KIF17: variants seen among roughly 807,000 people sequenced by gnomAD.
KIF17 encodes the protein kinesin-like protein KIF17.
A neutral mutation model predicts 96.8 loss-of-function variants in KIF17; 80 were observed. The ratio of observed to expected loss-of-function variants is 0.83; its 90% CI spans 0.69 to 1.00. The LOEUF (loss-of-function observed/expected upper bound fraction) is 1.00, where lower values mean the gene tolerates loss of function less well. Among genes scored for constraint, KIF17 ranks in the 50% least tolerant of loss-of-function variants. The probability of loss-of-function intolerance (pLI) is 0.00; values close to 1 mark genes in which losing one functional copy is unlikely to be tolerated. For synonymous variants in KIF17, 567 were observed against 587.5 expected, an observed-to-expected ratio of 0.97 and a Z score of 0.51; for missense variants, 1,280 against 1,372.9, an observed-to-expected ratio of 0.93 and a Z score of 1.07.
At position 20,684,969 on chromosome 1, in the gene KIF17, G is replaced by C. The variant is rs937549224; in HGVS notation, c.2071C>G (p.Pro691Ala). 2 of 1,605,916 alleles carry C rather than the reference G, an allele frequency of 1.2e-6. No homozygotes were observed. Among genetic ancestry groups the C allele is most frequent in the East Asian group, 4.5e-5 (2 of 44,478 alleles). ...GCCTGAGCCTCCAACCACACGCCAG[G>C]CTCTGCTGTCCGCACCACCTCTAAG... ...VALEVVRTAE[P>A]GVWLEAQAPV... The change falls in exon 10 of 15, where the codon CCT becomes GCT. Residue 691 changes from proline (P) to alanine (A), a missense_variant. Pro to Ala is a conservative substitution (Grantham distance 27). Coordinates refer to ENST00000400463, the MANE Select transcript of KIF17 (RefSeq NM_001122819.3).
intron 6 of KIF17, among the ~76,000 whole-genome samples, chr1:20,698,135 G>T (rs1401411737): frequency 6.6e-6 from 1 of 152,142 alleles, no homozygotes; most frequent in Non-Finnish European, 1.5e-5. Context: ...TTCTCACCAC[G>T]CAGGCCCTAA....
chr1:20,687,916 G>A lies in KIF17; in HGVS notation c.1410C>T (p.Tyr470=), dbSNP rs369340351. The part of the protein sequence containing the change: ...TEAVLQVGVL[Y]KAEVMSRAEF... Reference sequence around the variant, plus strand: ...CAGCCCTGGACATGACCTCAGCCTTGTAGAGGACTCCCACCTGCAGGACAG... The same window carrying A: ...CAGCCCTGGACATGACCTCAGCCTTATAGAGGACTCCCACCTGCAGGACAG... The change falls in exon 8 of 15, where the codon TAC becomes TAT. Residue 470 remains tyrosine (Y), a synonymous_variant. Transcript: ENST00000400463. This position sits in a 1 kb window ranked among gnomAD's most constrained non-coding sequence, Gnocchi z 4.4. 3.1e-6 allele frequency: 5 copies of A among 1,613,644 alleles called. No individual in the cohort carries two copies. The African/African-American group carries it at 6.7e-5, about 22-fold the overall frequency.
At chr1:20,695,385 G>A (rs1366886470) in intron 6 of KIF17, among the ~76,000 whole-genome samples, 2 of 152,028 alleles carry the variant, frequency 1.3e-5, no homozygotes, top group African/African-American at 4.8e-5. Context: ...ACGGGGTTTC[G>A]CCATGTTGGC....
chr1:20,676,256 G>C (rs901676903), intron 11 of KIF17, among the ~76,000 whole-genome samples: 16 of 152,258 alleles, frequency 1.1e-4, no homozygotes, highest in African/African-American at 3.9e-4. Flanking sequence ...TTTTTTAACA[G>C]TTGGTCAATT....
chr1:20,704,732 C>T lies in KIF17; in HGVS notation c.838G>A (p.Gly280Arg), dbSNP rs780409575. The change falls in exon 5 of 15, where the codon GGG (glycine) becomes AGG (arginine). Residue 280 changes from glycine (G) to arginine (R), a missense_variant. Coordinates refer to ENST00000400463, the MANE Select transcript of KIF17 (RefSeq NM_001122819.3). The surrounding 1 kb of genome is among the most constrained non-coding windows in gnomAD (Gnocchi z 6.8). ...CGGTAGGGGACGTGCTTACAGCGCC[C>T]GTCCACCAGCGCCGAGATGACATTG... Reference protein sequence around the residue: ...LGNVISALVDGRCKHVPYRDS... With the variant: ...LGNVISALVDRRCKHVPYRDS... 1.4e-5 allele frequency: 23 copies of T among 1,612,812 alleles called. No homozygotes were observed. The highest frequency in any genetic ancestry group is 1.1e-4 in the East Asian group (5 of 44,880).
chr1:20,677,623 G>T (rs683624), intron 11 of KIF17, among the ~76,000 whole-genome samples: 1 of 152,190 alleles, frequency 6.6e-6, no homozygotes, highest in Non-Finnish European at 1.5e-5. Context: ...AGAGGCCGAG[G>T]TGGGTGGATC....
At chr1:20,694,255 A>G (rs1291855331) in intron 6 of KIF17, among the ~76,000 whole-genome samples, 1 of 151,786 alleles carries the variant, frequency 6.6e-6, no homozygotes, top group Non-Finnish European at 1.5e-5. Flanking sequence ...ACACCACCAC[A>G]CCCAGCTAAT....
rs375213890 is a variant in KIF17, at chr1:20,682,932, C to T, written c.2232-48G>A. 172 of 1,525,846 alleles carry T rather than the reference C, an allele frequency of 1.1e-4. 1 individual carries two copies. The highest frequency in any genetic ancestry group is 1.1e-4 in the East Asian group (5 of 44,308). The allele number at this position is 1,525,846 out of a possible 1,614,324, so 94.5% of individuals were successfully genotyped here. Reference sequence around the variant, plus strand: ...AAACAAGACAATATCTGCCCATCACCGAGCACGTGCCATCCAGCAGGCTCC... The same window carrying T: ...AAACAAGACAATATCTGCCCATCACTGAGCACGTGCCATCCAGCAGGCTCC... On this transcript the variant is annotated intron_variant, in intron 10 of 14. Coordinates refer to ENST00000400463, the MANE Select transcript of KIF17 (RefSeq NM_001122819.3).
In KIF17 at chr1:20,664,711, G is replaced by A. The variant is rs368653467; in HGVS notation, c.2960C>T (p.Ala987Val). Residue 987 changes from alanine to valine, a missense_variant, in exon 15 of 15, where the codon GCC becomes GTC. By Grantham distance (64) the Ala-to-Val change is moderately conservative (BLOSUM62 0). Coordinates refer to ENST00000400463, the MANE Select transcript of KIF17 (RefSeq NM_001122819.3). Reference sequence around the variant, plus strand: ...TTCAGGGGCCTGGGTGGGTGGGATGGCAGAGTTGTTGCTGAGTGGGCAGCT... The same window carrying A: ...TTCAGGGGCCTGGGTGGGTGGGATGACAGAGTTGTTGCTGAGTGGGCAGCT... ...GLSCPLSNNSAIPPTQAPEMP... is the reference protein window; with the variant it reads ...GLSCPLSNNSVIPPTQAPEMP... The A allele has an allele frequency of 2.6e-5, 42 of 1,612,472 alleles. No homozygotes were observed. The highest frequency in any genetic ancestry group is 1.6e-4 in the African/African-American group (12 of 75,008).
intron 6 of KIF17, among the ~76,000 whole-genome samples, chr1:20,697,027 A>C (rs2054154216): frequency 6.6e-6 from 1 of 152,144 alleles, no homozygotes; most frequent in Admixed American, 6.5e-5. Context: ...CTCCCCAAAC[A>C]GCACAGGCCC....
chr1:20,662,602 C>A (rs1220475990), downstream of KIF17, among the ~76,000 whole-genome samples: 1 of 152,222 alleles, frequency 6.6e-6, no homozygotes, highest in African/African-American at 2.4e-5. Flanking sequence ...ACCACATCCG[C>A]CCGCCTCTAA....
rs2053957614 is a variant in KIF17, at chr1:20,687,441, T to C, written c.1885A>G (p.Thr629Ala). Residue 629 changes from threonine to alanine, a missense_variant, in exon 8 of 15, where the codon ACC becomes GCC. Physicochemically the swap from Thr to Ala is moderately conservative, Grantham distance 58 (BLOSUM62 0). Transcript: ENST00000400463. The surrounding 1 kb of genome is among the most constrained non-coding windows in gnomAD (Gnocchi z 4.4). ...VEAKLARLSS[T>A]VARTDAPQAD... The stretch of plus-strand genomic sequence containing the variant: ...TGGGGTGCATCTGTCCTGGCCACGG[T>C]GGAGGAGAGTCTGGCCAGCTTGGCT... 1 of 1,613,690 alleles carries C rather than the reference T, an allele frequency of 6.2e-7. No homozygotes were observed. Among genetic ancestry groups the C allele is most frequent in the South Asian group, 1.1e-5 (1 of 91,060 alleles).
intron 14 of KIF17, 123 bp downstream of exon 14, chr1:20,666,091 A>C (rs1165422244): frequency 1.2e-6 from 1 of 804,582 alleles, no homozygotes; most frequent in African/African-American, 1.7e-5. Context: ...TTTGTAGCTA[A>C]GGAAACTGAG....
Position 20,687,666 on chromosome 1 carries a change from G to A in KIF17, c.1660C>T (p.Pro554Ser), listed in dbSNP as rs1039642164. The A allele has an allele frequency of 1.9e-6, 3 of 1,614,070 alleles. No individual in the cohort carries two copies. Among genetic ancestry groups the A allele is most frequent in the Non-Finnish European group, 2.5e-6 (3 of 1,180,046 alleles). The stretch of plus-strand genomic sequence containing the variant: ...ACGTTGGAGGGCTCCTCAGGCCCAG[G>A]GAAAGCCTCGGACACAGAGGTTTCT... ...LEETSVSEAFPGPEEPSNVEV... is the reference protein window; with the variant it reads ...LEETSVSEAFSGPEEPSNVEV... Residue 554 changes from proline (P) to serine (S), a missense_variant, in exon 8 of 15, where the codon CCT becomes TCT. Physicochemically the swap from Pro to Ser is moderately conservative, Grantham distance 74 (BLOSUM62 -1). Transcript: ENST00000400463. The surrounding 1 kb of genome is among the most constrained non-coding windows in gnomAD (Gnocchi z 4.4).
In KIF17 at chr1:20,672,074, C is replaced by T. The variant is rs765964611; in HGVS notation, c.2586G>A (p.Glu862=). The change falls in exon 12 of 15, where the codon GAG becomes GAA. Residue 862 remains glutamate, a synonymous_variant. Coordinates refer to ENST00000400463, the MANE Select transcript of KIF17 (RefSeq NM_001122819.3). This position sits in a 1 kb window ranked among gnomAD's most constrained non-coding sequence, Gnocchi z 4.3. ...RDSMLLQQLL[E]QVQPLIRRDC... is the part of the protein sequence containing the mutation. Reference sequence around the variant, plus strand: ...CCCTGCGAATCAGGGGCTGCACCTGCTCCAGGAGCTGCTGCAAGAGCATGG... The same window carrying T: ...CCCTGCGAATCAGGGGCTGCACCTGTTCCAGGAGCTGCTGCAAGAGCATGG... The T allele has an allele frequency of 1.2e-6, 2 of 1,614,222 alleles. No homozygotes were observed. Among genetic ancestry groups the T allele is most frequent in the Non-Finnish European group, 8.5e-7 (1 of 1,180,040 alleles).
In KIF17 at chr1:20,672,076, C is replaced by G; in HGVS notation, c.2584G>C (p.Glu862Gln). 6.2e-7 allele frequency: 1 copy of G among 1,614,186 alleles called. No homozygotes were observed. Among genetic ancestry groups the G allele is most frequent in the Non-Finnish European group, 8.5e-7 (1 of 1,180,038 alleles). The change falls in exon 12 of 15, where the codon GAG (glutamate) becomes CAG (glutamine). Residue 862 changes from glutamate (E) to glutamine (Q), a missense_variant. Glu to Gln is a conservative substitution (Grantham distance 29, BLOSUM62 2). Coordinates refer to ENST00000400463, the MANE Select transcript of KIF17 (RefSeq NM_001122819.3). This position sits in a 1 kb window ranked among gnomAD's most constrained non-coding sequence, Gnocchi z 4.3. ...CTGCGAATCAGGGGCTGCACCTGCT[C>G]CAGGAGCTGCTGCAAGAGCATGGAG... ...RDSMLLQQLL[E>Q]QVQPLIRRDC...
intron 5 of KIF17, among the ~76,000 whole-genome samples, chr1:20,702,157 C>T (rs906071974): frequency 6.6e-6 from 1 of 152,142 alleles, no homozygotes; most frequent in Non-Finnish European, 1.5e-5. Context: ...AGGCAGGTGT[C>T]GCTATGATGT....
chr1:20,694,882 G>A (rs1008962913), intron 6 of KIF17, among the ~76,000 whole-genome samples: 7 of 152,002 alleles, frequency 4.6e-5, no homozygotes, highest in African/African-American at 1.2e-4. Context: ...CCCATGACTC[G>A]AGTCAGCAAA....
intron 13 of KIF17, 132 bp downstream of exon 13, chr1:20,670,289 C>T (rs2053617133): frequency 1.1e-6 from 1 of 871,190 alleles, no homozygotes; most frequent in African/African-American, 1.7e-5. Flanking sequence ...AGGATCCAGC[C>T]TTGGCCCCTT....
Sources: allele counts gnomAD v4.1 joint callset (sites outside exome capture counted in the v4.1 genomes callset), GRCh38; gene constraint gnomAD v4.1.1; non-coding constraint Gnocchi (gnomAD v3.1); transcripts MANE v1.5; gene names NCBI Gene and HGNC (gene_info 2026-07-23, HGNC 2026-07-21).